The following CIMIP7 variants were observed in gnomAD, a reference collection of about 807,000 sequenced individuals.
The protein encoded by CIMIP7 is ciliary microtubule inner protein 7.
the CIMIP7 span, among the ~76,000 whole-genome samples, chr3:49,181,531 A>G: frequency 1.3e-5 from 2 of 152,056 alleles, no homozygotes; most frequent in African/African-American, 4.8e-5. Context: ...GGTGGTGCAT[A>G]CCTGTGGTCC....
At chr3:49,189,683 T>C in the CIMIP7 span, among the ~76,000 whole-genome samples, 1 of 152,220 alleles carries the variant, frequency 6.6e-6, no homozygotes, top group Admixed American at 6.5e-5. Context: ...GACCATGGGC[T>C]TTCTTAGCAT....
At chr3:49,188,541 T>C in the CIMIP7 span, among the ~76,000 whole-genome samples, 7 of 152,126 alleles carry the variant, frequency 4.6e-5, no homozygotes, top group Non-Finnish European at 8.8e-5. Flanking sequence ...CACCTGGCTA[T>C]GTCTCTGTAC....
the CIMIP7 span, among the ~76,000 whole-genome samples, chr3:49,185,657 C>T: frequency 6.6e-6 from 1 of 151,684 alleles, no homozygotes; most frequent in Non-Finnish European, 1.5e-5. Context: ...GTGTTAGATA[C>T]ACAAAACTAC....
the CIMIP7 span, among the ~76,000 whole-genome samples, chr3:49,184,653 G>T: frequency 6.8e-6 from 1 of 146,498 alleles, no homozygotes; most frequent in Non-Finnish European, 1.5e-5. Context: ...TTTTGAGATG[G>T]AGTCTTGCTC....
chr3:49,191,349 C>G, the CIMIP7 span, among the ~76,000 whole-genome samples: 5 of 152,186 alleles, frequency 3.3e-5, no homozygotes, highest in African/African-American at 9.6e-5. Flanking sequence ...TTTATCAGAC[C>G]TTTATTGTCT....
the CIMIP7 span, among the ~76,000 whole-genome samples, chr3:49,179,322 G>A: frequency 6.6e-6 from 1 of 152,176 alleles, no homozygotes; most frequent in Non-Finnish European, 1.5e-5. Flanking sequence ...CCTGCCTGGT[G>A]TCCCTGCTTT....
the CIMIP7 span, among the ~76,000 whole-genome samples, chr3:49,183,175 T>C: frequency 2.0e-4 from 31 of 152,222 alleles, no homozygotes; most frequent in African/African-American, 7.2e-4. Context: ...CGCTGTCACC[T>C]CTCAAAAAGA....
the CIMIP7 span, chr3:49,178,114 C>T: frequency 6.9e-7 from 1 of 1,450,704 alleles, no homozygotes; most frequent in Middle Eastern, 2.5e-4. Context: ...TTGGGCCCCT[C>T]CTAACCCCAA....
At chr3:49,181,524 G>A in the CIMIP7 span, among the ~76,000 whole-genome samples, 1 of 152,060 alleles carries the variant, frequency 6.6e-6, no homozygotes, top group Non-Finnish European at 1.5e-5. Flanking sequence ...CAGGCGTGGT[G>A]GTGCATACCT....
chr3:49,178,549 A>G, the CIMIP7 span: 1 of 1,612,058 alleles, frequency 6.2e-7, no homozygotes, highest in Non-Finnish European at 8.5e-7. Context: ...CTTGAAAGAC[A>G]GTGAGAAAGA....
chr3:49,180,378 C>T, the CIMIP7 span, among the ~76,000 whole-genome samples: 1 of 152,232 alleles, frequency 6.6e-6, no homozygotes, highest in South Asian at 2.1e-4. Flanking sequence ...TCTCTTAGGC[C>T]TCCAGACTTC....
At chr3:49,191,627 G>A in the CIMIP7 span, 3 of 1,135,062 alleles carry the variant, frequency 2.6e-6, no homozygotes, top group East Asian at 7.0e-5. Context: ...GCGGCTCAGG[G>A]TCCTATTCCA....
At chr3:49,189,025 C>T in the CIMIP7 span, among the ~76,000 whole-genome samples, 9 of 149,296 alleles carry the variant, frequency 6.0e-5, no homozygotes, top group Admixed American at 2.0e-4. Flanking sequence ...AATGCAATGG[C>T]GCTATCTGAT....
chr3:49,185,756 T>C, the CIMIP7 span, among the ~76,000 whole-genome samples: 1 of 151,010 alleles, frequency 6.6e-6, no homozygotes, highest in Admixed American at 6.6e-5. Flanking sequence ...AGTGGCTCGA[T>C]CTCAGCTCAC....
At chr3:49,179,968 T>C in the CIMIP7 span, among the ~76,000 whole-genome samples, 2 of 152,058 alleles carry the variant, frequency 1.3e-5, no homozygotes, top group African/African-American at 4.8e-5. Flanking sequence ...TGAAACCCCG[T>C]TTTTACTAAA....
At chr3:49,182,886 C>G in the CIMIP7 span, among the ~76,000 whole-genome samples, 2 of 152,184 alleles carry the variant, frequency 1.3e-5, no homozygotes, top group Admixed American at 6.5e-5. Flanking sequence ...CCTCACTGCC[C>G]GGGGCGGGGG....
At chr3:49,180,374 A>C in the CIMIP7 span, among the ~76,000 whole-genome samples, 18 of 152,312 alleles carry the variant, frequency 1.2e-4, no homozygotes, top group African/African-American at 4.1e-4. Flanking sequence ...CCCATCTCTT[A>C]GGCCTCCAGA....
chr3:49,189,258 C>T, the CIMIP7 span, among the ~76,000 whole-genome samples: 2 of 151,804 alleles, frequency 1.3e-5, no homozygotes, highest in East Asian at 1.9e-4. Flanking sequence ...CATGAGCCAC[C>T]GCACCTTGCC....
the CIMIP7 span, chr3:49,189,946 G>T: frequency 2.0e-6 from 2 of 1,020,142 alleles, no homozygotes; most frequent in Admixed American, 1.7e-5. Context: ...CCATGGAAGG[G>T]CTGGGATGAT....
Sources: allele counts gnomAD v4.1 joint callset (sites outside exome capture counted in the v4.1 genomes callset), GRCh38; gene constraint gnomAD v4.1.1; transcripts MANE v1.5; gene names NCBI Gene and HGNC (gene_info 2026-07-23, HGNC 2026-07-21).